Variants in NPAS3 observed in about 807,000 individuals in gnomAD.
NPAS3 encodes the protein neuronal PAS domain protein 3, also known as neuronal PAS domain-containing protein 3.
A neutral mutation model predicts 73.1 loss-of-function variants in NPAS3; 14 were observed. That is an observed-to-expected ratio of 0.19 (90% CI 0.13 to 0.30). The LOEUF is 0.30. Among genes scored for constraint, NPAS3 ranks in the 10% least tolerant of loss-of-function variants. NPAS3 has a pLI of 1.00. For missense variants in NPAS3, 1,096 were observed against 1,250.0 expected (o/e 0.88, Z 1.86); for synonymous variants, 620 against 541.5 (o/e 1.14, Z -2.01).
intron 1 of NPAS3, among the ~76,000 whole-genome samples, chr14:32,993,344 AG>A (rs1183699996): frequency 6.6e-6 from 1 of 152,174 alleles, no homozygotes; most frequent in Non-Finnish European, 1.5e-5. Context: ...GACTCCAGGA[AG>A]GAAATATGAA....
chr14:33,582,047 A>G (rs970143771), intron 5 of NPAS3: 3 of 152,146 alleles, frequency 2.0e-5, no homozygotes, highest in African/African-American at 7.2e-5. Context: ...CTCACGGCAA[A>G]ATTTTTATAT....
Position 33,800,610 on chromosome 14 carries a change from GC to G in NPAS3, c.2304del (p.Gly770AlafsTer40). 1 of 1,333,836 alleles carries G rather than the reference GC, an allele frequency of 7.5e-7. No individual in the cohort carries two copies. Among genetic ancestry groups the G allele is most frequent in the Non-Finnish European group, 9.5e-7 (1 of 1,050,388 alleles). 82.6% of individuals were successfully genotyped at this position (1,333,836 alleles called of 1,614,324 possible). A position where few individuals can be genotyped will look rare whatever the true frequency, so the allele number is the denominator to read the frequency against. The stretch of plus-strand genomic sequence containing the variant: ...CCCGGGAACGGCGGCGGGGGCGGGG[GC>G]GGGGGCGGCGGCGCGGGGGGCGGCG... On this transcript the variant is annotated frameshift_variant, in exon 12 of 12. Transcript: ENST00000356141. LOFTEE classifies it high-confidence loss of function. The surrounding 1 kb of genome is among the most constrained non-coding windows in gnomAD (Gnocchi z 6.5).
chr14:33,141,162 T>C (rs1053874375), intron 2 of NPAS3, among the ~76,000 whole-genome samples: 1 of 152,224 alleles, frequency 6.6e-6, no homozygotes, highest in African/African-American at 2.4e-5. Flanking sequence ...GACATGCCAA[T>C]GAATTGCGAG....
At chr14:32,946,346 GCGCACACACACA>G (rs1456776210) in intron 1 of NPAS3, among the ~76,000 whole-genome samples, 1 of 131,872 alleles carries the variant, frequency 7.6e-6, no homozygotes, top group African/African-American at 2.9e-5. Flanking sequence ...ACACACACAC[GCGCACACACACA>G]CACACACACA....
rs184033613 is a variant in NPAS3 at position 33,266,382 on chromosome 14, T to C, written c.385+50956T>C. 4.4e-3 allele frequency among the ~76,000 whole-genome samples: 670 copies of C among 152,228 alleles called. 3 individuals carry two copies. Among genetic ancestry groups the C allele is most frequent in the African/African-American group, 0.015 (638 of 41,544 alleles). ...GGAGACTAAAATAGAATAATTCAGA[T>C]TGAAGAGAGAGCTCATATCTAGGTT... is the stretch of plus-strand genomic sequence containing the variant. On this transcript the variant is annotated intron_variant, in intron 3 of 11. Coordinates refer to ENST00000356141, the Ensembl canonical transcript of NPAS3.
chr14:33,186,805 T>C (rs1011416062), intron 2 of NPAS3, among the ~76,000 whole-genome samples: 2 of 152,204 alleles, frequency 1.3e-5, no homozygotes, highest in Admixed American at 1.3e-4. Context: ...ATCACTCTAG[T>C]GCAGTGTTTC....
At chr14:33,340,878 C>T (rs899899207) in intron 3 of NPAS3, among the ~76,000 whole-genome samples, 11 of 152,132 alleles carry the variant, frequency 7.2e-5, no homozygotes, top group Non-Finnish European at 1.5e-4. Context: ...TGTGATCTTA[C>T]GTAAAAATTA....
intron 2 of NPAS3, among the ~76,000 whole-genome samples, chr14:33,067,556 T>C (rs992460807): frequency 3.9e-5 from 6 of 152,248 alleles, no homozygotes; most frequent in Admixed American, 1.3e-4. Flanking sequence ...CCACATGTAA[T>C]GACCAACAAG....
At chr14:33,341,127 T>C (rs1225117111) in intron 3 of NPAS3, among the ~76,000 whole-genome samples, 1 of 152,258 alleles carries the variant, frequency 6.6e-6, no homozygotes, top group East Asian at 1.9e-4. Context: ...CCAATTAATC[T>C]TTATAAGCTA....
intron 2 of NPAS3, among the ~76,000 whole-genome samples, chr14:33,160,908 T>G (rs2044854647): frequency 6.6e-6 from 1 of 152,216 alleles, no homozygotes; most frequent in Non-Finnish European, 1.5e-5. Flanking sequence ...ATGTGTTTCA[T>G]TCACTCACTG....
chr14:33,344,616 T>C (rs767654882), intron 3 of NPAS3, among the ~76,000 whole-genome samples: 6 of 152,256 alleles, frequency 3.9e-5, no homozygotes, highest in Non-Finnish European at 8.8e-5. Context: ...TTCTATACCT[T>C]CATTTTTAAC....
At chr14:33,561,133 A>T (rs2055628742) in intron 5 of NPAS3, among the ~76,000 whole-genome samples, 1 of 152,226 alleles carries the variant, frequency 6.6e-6, no homozygotes, top group Non-Finnish European at 1.5e-5. Flanking sequence ...CCGCTCGTTC[A>T]GTTGCCCCTT....
chr14:33,340,544 A>T (rs983011562), intron 3 of NPAS3, among the ~76,000 whole-genome samples: 4 of 152,230 alleles, frequency 2.6e-5, no homozygotes, highest in Non-Finnish European at 5.9e-5. Flanking sequence ...ATATTTTGTT[A>T]ATTTATTAGT....
intron 5 of NPAS3, among the ~76,000 whole-genome samples, chr14:33,659,905 G>A (rs766079033): frequency 7.9e-5 from 12 of 152,092 alleles, no homozygotes; most frequent in Non-Finnish European, 1.6e-4. Context: ...CAGGTATAAA[G>A]GAACCAAATG....
chr14:32,938,552 G>A (rs546892747), upstream of NPAS3, among the ~76,000 whole-genome samples: 22 of 144,544 alleles, frequency 1.5e-4, no homozygotes, highest in African/African-American at 5.6e-4. Context: ...GTCTGCGTAC[G>A]AGAGAGCGCT....
At chr14:33,497,082 T>C (rs545742860) in intron 4 of NPAS3, among the ~76,000 whole-genome samples, 1 of 152,134 alleles carries the variant, frequency 6.6e-6, no homozygotes, top group East Asian at 1.9e-4. Context: ...AAATCATGAG[T>C]GAACTCCCAT....
chr14:33,514,531 A>G (rs1448865001), intron 4 of NPAS3, among the ~76,000 whole-genome samples: 1 of 152,090 alleles, frequency 6.6e-6, no homozygotes, highest in East Asian at 1.9e-4. Context: ...TAAGTTGATG[A>G]GGAAGCAAAA....
At chr14:33,128,830 C>G (rs1041391753) in intron 2 of NPAS3, among the ~76,000 whole-genome samples, 5 of 152,090 alleles carry the variant, frequency 3.3e-5, no homozygotes, top group Non-Finnish European at 5.9e-5. Flanking sequence ...CCTTTCCAAC[C>G]AGAGAAGTAG....
rs528033294 is a variant in NPAS3 at position 33,076,473 on chromosome 14, G to C, written c.140+20479G>C. Among the ~76,000 whole-genome samples, 35 of 152,272 alleles carry C rather than the reference G, an allele frequency of 2.3e-4. 1 individual carries two copies. The South Asian group carries it at 3.3e-3, about 14-fold the overall frequency. On this transcript the variant is annotated intron_variant, in intron 2 of 11. Coordinates refer to ENST00000356141, the Ensembl canonical transcript of NPAS3. ...CTAAATTGATTCAGCATAATCCTTAGAACAGCTTTCCTTCATTTCTGGAAG... is the reference window on the plus strand; with the variant it reads ...CTAAATTGATTCAGCATAATCCTTACAACAGCTTTCCTTCATTTCTGGAAG...
Sources: allele counts gnomAD v4.1 joint callset (sites outside exome capture counted in the v4.1 genomes callset), GRCh38; gene constraint gnomAD v4.1.1; non-coding constraint Gnocchi (gnomAD v3.1); transcripts MANE v1.5; gene names NCBI Gene and HGNC (gene_info 2026-07-23, HGNC 2026-07-21).